The following TALDO1 variants were observed in gnomAD, a reference collection of about 807,000 sequenced individuals.
TALDO1 encodes the protein transaldolase.
Under a neutral mutation model 38.1 loss-of-function variants are expected in TALDO1, and 29 were observed. That is an observed-to-expected ratio of 0.76 (90% CI 0.57 to 1.04). The LOEUF is 1.04. Ranked by LOEUF, TALDO1 falls within the 50% of genes least tolerant of loss-of-function variation. The pLI is 0.00. For synonymous variants in TALDO1, 207 were observed against 176.8 expected (o/e 1.17, Z -1.36); for missense variants, 499 against 438.1 (o/e 1.14, Z -1.24).
intron 1 of TALDO1, among the ~76,000 whole-genome samples, chr11:754,321 G>C (rs1862797724): frequency 6.6e-6 from 1 of 152,092 alleles, no homozygotes; most frequent in African/African-American, 2.4e-5. Flanking sequence ...GATTAAAGCA[G>C]AGAATGTCAG....
intron 1 of TALDO1, 98 bp from the exon 2 acceptor site, chr11:755,781 C>T: frequency 6.3e-7 from 1 of 1,577,470 alleles, no homozygotes; most frequent in African/African-American, 1.3e-5. Context: ...ATGCTCTGGA[C>T]TCCCCTAACG....
chr11:750,316 C>A (rs1266436440), intron 1 of TALDO1, among the ~76,000 whole-genome samples: 2 of 151,932 alleles, frequency 1.3e-5, no homozygotes, highest in African/African-American at 4.8e-5. Context: ...AAAACCCCAT[C>A]TCTACAAAAA....
intron 5 of TALDO1, 108 bp from the exon 6 acceptor site, chr11:763,639 G>T: frequency 6.4e-7 from 1 of 1,567,066 alleles, no homozygotes; most frequent in African/African-American, 1.4e-5. Context: ...TCGGCGCGGG[G>T]CAGGCAGGGG....
At chr11:752,877 G>T (rs1257549384) in intron 1 of TALDO1, among the ~76,000 whole-genome samples, 2 of 152,188 alleles carry the variant, frequency 1.3e-5, no homozygotes, top group Admixed American at 1.3e-4. Flanking sequence ...ACTTGTGACG[G>T]GTGGGAATGG....
At chr11:756,323 T>C in intron 2 of TALDO1, 1 of 328,454 alleles carries the variant, frequency 3.0e-6, no homozygotes, top group East Asian at 6.5e-5. Flanking sequence ...TGGTAACACT[T>C]ACCTTCTGGC....
intron 4 of TALDO1, 150 bp from the exon 5 acceptor site, chr11:763,194 G>A (rs1444343624): frequency 5.5e-5 from 13 of 234,350 alleles, no homozygotes; most frequent in Admixed American, 1.3e-4. Flanking sequence ...CACCTGCCCC[G>A]CCCTCACCTG....
At chr11:759,156 C>G in intron 3 of TALDO1, 99 bp downstream of exon 3, 1 of 1,038,522 alleles carries the variant, frequency 9.6e-7, no homozygotes, top group Non-Finnish European at 1.5e-6. Flanking sequence ...CACCCATGGT[C>G]TTCATCCCAA....
At position 760,139 on chromosome 11, in the gene TALDO1, A is replaced by T. The variant is rs200597243; in HGVS notation, c.347A>T (p.Asp116Val). 180 of 1,614,128 alleles carry T rather than the reference A, an allele frequency of 1.1e-4. No homozygotes were observed. In the East Asian group the frequency reaches 3.6e-3, roughly 32 times the overall value. The change falls in exon 4 of 8, where the codon GAT becomes GTT. Residue 116 changes from aspartate to valine, a missense_variant. Asp to Val is a radical substitution (Grantham distance 152, BLOSUM62 -3). Coordinates refer to ENST00000319006, the MANE Select transcript of TALDO1 (RefSeq NM_006755.2). Reference protein sequence around the residue: ...EVDARLSFDKDAMVARARRLI... With the variant: ...EVDARLSFDKVAMVARARRLI... ...TCCTACAGGCTCTCCTTTGATAAAG[A>T]TGCGATGGTGGCCAGAGCCAGGCGG... is the stretch of plus-strand genomic sequence containing the variant.
In TALDO1 at chr11:760,380, C is replaced by T. The variant is rs917451361; in HGVS notation, c.461+127C>T. On this transcript the variant is annotated intron_variant, in intron 4 of 7. Coordinates refer to ENST00000319006, the MANE Select transcript of TALDO1 (RefSeq NM_006755.2). ...ATGCCAGACTGGGGAGCACAGCCCACAGCTTGGACTTGACCAGCTCATGTC... is the reference window on the plus strand; with the variant it reads ...ATGCCAGACTGGGGAGCACAGCCCATAGCTTGGACTTGACCAGCTCATGTC... 3.3e-5 allele frequency: 48 copies of T among 1,437,198 alleles called. No homozygotes were observed. The East Asian group carries it at 1.0e-3, about 31-fold the overall frequency. 89.0% of individuals were successfully genotyped at this position (1,437,198 alleles called of 1,614,324 possible). A position where few individuals can be genotyped will look rare whatever the true frequency, so the allele number is the denominator to read the frequency against.
chr11:763,074 C>G (rs967690138), intron 4 of TALDO1, among the ~76,000 whole-genome samples: 1 of 150,808 alleles, frequency 6.6e-6, no homozygotes. Context: ...GCCCTCGAGT[C>G]TTACCGATTT....
intron 2 of TALDO1, among the ~76,000 whole-genome samples, chr11:758,375 AG>A (rs1474363300): frequency 1.3e-5 from 2 of 151,970 alleles, no homozygotes; most frequent in Non-Finnish European, 2.9e-5. Flanking sequence ...TGAGCCCGGG[AG>A]GTCAAGGCTG....
intron 4 of TALDO1, among the ~76,000 whole-genome samples, chr11:763,107 T>C (rs1271758149): frequency 6.6e-6 from 1 of 152,180 alleles, no homozygotes; most frequent in Non-Finnish European, 1.5e-5. Flanking sequence ...GGCATGAGCC[T>C]GTTCCTGCCT....
rs149702835 is a variant in TALDO1, at chr11:760,163, G to T, written c.371G>T (p.Arg124Leu). ...DKDAMVARAR[R>L]LIELYKEAGI... is the part of the protein sequence containing the mutation. ...GATGCGATGGTGGCCAGAGCCAGGC[G>T]GCTCATCGAGCTCTACAAGGAAGCT... Residue 124 changes from arginine to leucine, a missense_variant, in exon 4 of 8, where the codon CGG becomes CTG. By Grantham distance (102) the Arg-to-Leu change is moderately radical. Coordinates refer to ENST00000319006, the MANE Select transcript of TALDO1 (RefSeq NM_006755.2). 2.5e-6 allele frequency: 4 copies of T among 1,614,016 alleles called. 1 individual carries two copies. The Admixed American group carries it at 6.7e-5, about 27-fold the overall frequency.
chr11:753,152 G>C (rs1281908925), intron 1 of TALDO1, among the ~76,000 whole-genome samples: 1 of 152,108 alleles, frequency 6.6e-6, no homozygotes, highest in Non-Finnish European at 1.5e-5. Flanking sequence ...CCAGCAATTT[G>C]GGAGGCCAAG....
chr11:749,401 CAA>C (rs374829411), intron 1 of TALDO1, among the ~76,000 whole-genome samples: 13 of 110,814 alleles, frequency 1.2e-4, no homozygotes, highest in African/African-American at 3.1e-4. Context: ...AACTCCGTCT[CAA>C]AAAAAAAAAA....
chr11:763,743 C>T lies in TALDO1; in HGVS notation c.638-4C>T. On this transcript the variant is annotated splice_region_variant and splice_polypyrimidine_tract_variant and intron_variant, in intron 5 of 7. Coordinates refer to ENST00000319006, the MANE Select transcript of TALDO1 (RefSeq NM_006755.2). Reference sequence around the variant, plus strand: ...TTCCTGGTCACAGCTTGGTCTCTTTCCAGGGGTAAAGAGTGTCACTAAAAT... The same window carrying T: ...TTCCTGGTCACAGCTTGGTCTCTTTTCAGGGGTAAAGAGTGTCACTAAAAT... 6.2e-7 allele frequency: 1 copy of T among 1,613,788 alleles called. No homozygotes were observed. Among genetic ancestry groups the T allele is most frequent in the Non-Finnish European group, 8.5e-7 (1 of 1,179,844 alleles).
chr11:756,517 T>TG lies in TALDO1; in HGVS notation c.221+515_221+516insG, dbSNP rs1265723648. 4.3e-3 allele frequency among the ~76,000 whole-genome samples: 643 copies of TG among 149,872 alleles called. 2 individuals carry two copies. The highest frequency in any genetic ancestry group is 0.017 in the Middle Eastern group (5 of 292). On this transcript the variant is annotated intron_variant, in intron 2 of 7. Coordinates refer to ENST00000319006, the MANE Select transcript of TALDO1 (RefSeq NM_006755.2). ...CACTCCTGGCTCATTTTTGTATTTT[T>TG]TTTTTTTTTTTTTTTGAGACAGAGT...
chr11:749,401 C>A (rs1279721443), intron 1 of TALDO1, among the ~76,000 whole-genome samples: 695 of 110,546 alleles, frequency 6.3e-3, no homozygotes, highest in South Asian at 0.01. Flanking sequence ...AACTCCGTCT[C>A]AAAAAAAAAA....
At chr11:755,263 G>A (rs1366350546) in intron 1 of TALDO1, among the ~76,000 whole-genome samples, 1 of 145,856 alleles carries the variant, frequency 6.9e-6, no homozygotes, top group Admixed American at 7.2e-5. Flanking sequence ...TCCTGCCTCA[G>A]CCTCCCGAGT....
Sources: allele counts gnomAD v4.1 joint callset (sites outside exome capture counted in the v4.1 genomes callset), GRCh38; gene constraint gnomAD v4.1.1; transcripts MANE v1.5; gene names NCBI Gene and HGNC (gene_info 2026-07-23, HGNC 2026-07-21).